Variants in ABCA9 observed in about 807,000 individuals in gnomAD.
The protein encoded by ABCA9 is ATP binding cassette subfamily A member 9.
A neutral mutation model predicts 205.3 loss-of-function variants in ABCA9; 183 were observed. The ratio of observed to expected loss-of-function variants is 0.89; its 90% CI spans 0.79 to 1.01. The LOEUF (loss-of-function observed/expected upper bound fraction) is 1.01. Ranked by LOEUF, ABCA9 falls within the 50% of genes least tolerant of loss-of-function variation. The pLI is 0.00. For missense variants in ABCA9, 1,805 were observed against 1,912.4 expected, an observed-to-expected ratio of 0.94 and a Z score of 1.05; for synonymous variants, 651 against 683.3, an observed-to-expected ratio of 0.95 and a Z score of 0.74.
At chr17:69,042,238 G>A (rs1166938654) in intron 6 of ABCA9, 2 of 152,174 alleles carry the variant, frequency 1.3e-5, no homozygotes, top group African/African-American at 2.4e-5. Context: ...TTAATATTGA[G>A]TGTTTATTCT....
chr17:69,015,679 G>A (rs539665311), intron 22 of ABCA9, among the ~76,000 whole-genome samples: 18 of 152,154 alleles, frequency 1.2e-4, no homozygotes, highest in African/African-American at 3.9e-4. Flanking sequence ...ACAATAACTG[G>A]TCCAACTTAG....
intron 32 of ABCA9, 93 bp from the exon 33 acceptor site, chr17:68,985,221 G>C: frequency 6.6e-7 from 1 of 1,526,644 alleles, no homozygotes; most frequent in Non-Finnish European, 9.0e-7. Context: ...GGTGGGGGAG[G>C]TGTTTATGAG....
intron 31 of ABCA9, 81 bp from the exon 32 acceptor site, chr17:68,986,405 G>A (rs914964943): frequency 2.2e-6 from 3 of 1,351,652 alleles, no homozygotes; most frequent in African/African-American, 2.9e-5. Flanking sequence ...CTTCAGAGAT[G>A]CCCTTCTCTT....
chr17:69,060,832 T>C (rs2072222164), intron 1 of ABCA9, 34 bp downstream of exon 1: 1 of 981,200 alleles, frequency 1.0e-6, no homozygotes, highest in East Asian at 1.1e-4. Flanking sequence ...TATTTCTATA[T>C]GCAAAATAAC....
chr17:69,065,324 C>G (rs571134891), upstream of ABCA9, among the ~76,000 whole-genome samples: 2 of 152,310 alleles, frequency 1.3e-5, no homozygotes, highest in South Asian at 4.1e-4. Flanking sequence ...GTCCTTGTGT[C>G]TATCCTTTGC....
intron 25 of ABCA9, 131 bp from the exon 26 acceptor site, chr17:68,996,145 C>T: frequency 1.2e-6 from 1 of 865,604 alleles, no homozygotes; most frequent in Non-Finnish European, 1.7e-6. Context: ...GTATTTATAT[C>T]ATTTCTTTCC....
intron 34 of ABCA9, 73 bp from the exon 35 acceptor site, chr17:68,984,248 C>G: frequency 6.4e-7 from 1 of 1,572,956 alleles, no homozygotes; most frequent in Non-Finnish European, 8.6e-7. Flanking sequence ...AAAGAAGTTT[C>G]CATCGACGCA....
At chr17:69,073,556 G>T in the ABCA9 span, among the ~76,000 whole-genome samples, 1 of 152,286 alleles carries the variant, frequency 6.6e-6, no homozygotes, top group African/African-American at 2.4e-5. Context: ...AAACCAGTGA[G>T]AACAAAGAAA....
At chr17:68,998,893 G>A (rs575702873) in intron 25 of ABCA9, among the ~76,000 whole-genome samples, 8 of 151,284 alleles carry the variant, frequency 5.3e-5, no homozygotes, top group Non-Finnish European at 1.2e-4. Context: ...CTTATTAAAT[G>A]TGTATTCTTT....
chr17:69,056,675 C>T (rs1484299359), intron 1 of ABCA9, among the ~76,000 whole-genome samples: 1 of 152,166 alleles, frequency 6.6e-6, no homozygotes, highest in Non-Finnish European at 1.5e-5. Flanking sequence ...AATCTTTGTT[C>T]TGTATCTTTC....
chr17:69,022,463 TA>T (rs1247270712), intron 17 of ABCA9: 1 of 152,250 alleles, frequency 6.6e-6, no homozygotes, highest in Non-Finnish European at 1.5e-5. Context: ...TAGCTGGGAT[TA>T]CAGGTGCACA....
chr17:68,987,295 C>A (rs117292163), intron 31 of ABCA9, among the ~76,000 whole-genome samples: 3 of 152,188 alleles, frequency 2.0e-5, no homozygotes, highest in South Asian at 4.1e-4. Context: ...TGTCTCCCCC[C>A]AGTACAAAGG....
In ABCA9 at chr17:68,975,004, GCCCCCATC is replaced by G. The variant is rs2068861167; in HGVS notation, c.*903_*910del. 6.6e-6 allele frequency: 1 copy of G among 151,302 alleles called. No individual in the cohort carries two copies. Among genetic ancestry groups the G allele is most frequent in the South Asian group, 2.1e-4 (1 of 4,788 alleles). 9.4% of individuals were successfully genotyped at this position (151,302 alleles called of 1,614,324 possible). On this transcript the variant is annotated 3_prime_UTR_variant, in exon 39 of 39. Transcript: ENST00000340001. ...TTCTCCTAATGCTATCCCTCCCCTA[GCCCCCATC>G]CCCCCAACAGGCCCCAGGGTGTGGT...
intron 19 of ABCA9, chr17:69,020,110 G>A (rs983149978): frequency 3.1e-6 from 1 of 323,598 alleles, no homozygotes; most frequent in Non-Finnish European, 5.7e-6. Context: ...TGGGACCTAA[G>A]TACTAATATC....
intron 3 of ABCA9, 90 bp from the exon 4 acceptor site, chr17:69,045,426 G>T (rs1034056983): frequency 2.8e-6 from 3 of 1,065,930 alleles, no homozygotes; most frequent in Non-Finnish European, 1.2e-6. Context: ...TTATGTTAAA[G>T]CTATTCCTTC....
At chr17:69,021,463 A>G (rs1056264526) in intron 18 of ABCA9, among the ~76,000 whole-genome samples, 2 of 152,160 alleles carry the variant, frequency 1.3e-5, no homozygotes, top group African/African-American at 2.4e-5. Flanking sequence ...TCTTTTCTCT[A>G]TAGCATGTAT....
At chr17:69,065,963 C>T in the ABCA9 span, among the ~76,000 whole-genome samples, 1 of 152,196 alleles carries the variant, frequency 6.6e-6, no homozygotes, top group Admixed American at 6.5e-5. Flanking sequence ...TGAAGAAGGA[C>T]ATGTTTGCCT....
chr17:68,995,712 G>T (rs1174636009), intron 26 of ABCA9, among the ~76,000 whole-genome samples, 183 bp downstream of exon 26: 1 of 152,142 alleles, frequency 6.6e-6, no homozygotes, highest in African/African-American at 2.4e-5. Flanking sequence ...ATAAACCAAA[G>T]CTGGCTTCCT....
At chr17:69,040,871 TA>T (rs2144431084) in intron 6 of ABCA9, among the ~76,000 whole-genome samples, 1 of 152,268 alleles carries the variant, frequency 6.6e-6, no homozygotes, top group East Asian at 1.9e-4. Flanking sequence ...AATATGAAGA[TA>T]TCTTTTCCCT....
Sources: gnomAD v4.1 joint callset for allele counts (sites outside exome capture counted in the v4.1 genomes callset) on GRCh38, gnomAD v4.1.1 for gene constraint, MANE v1.5 for transcripts, NCBI Gene and HGNC (gene_info 2026-07-23, HGNC 2026-07-21) for gene names.